Variants in HYCC2 observed in about 807,000 individuals in gnomAD.
The protein encoded by HYCC2 is hyccin 2.
the HYCC2 span, among the ~76,000 whole-genome samples, chr2:200,984,484 G>A: frequency 6.6e-6 from 1 of 152,198 alleles, no homozygotes; most frequent in African/African-American, 2.4e-5. Context: ...ATTATTTAAA[G>A]CCATCATAGC....
chr2:200,984,008 G>A, the HYCC2 span, among the ~76,000 whole-genome samples: 1 of 152,008 alleles, frequency 6.6e-6, no homozygotes, highest in African/African-American at 2.4e-5. Context: ...ATTATCTTCA[G>A]TTTAGTAATA....
chr2:201,007,094 T>C, the HYCC2 span, among the ~76,000 whole-genome samples: 1 of 152,194 alleles, frequency 6.6e-6, no homozygotes. Flanking sequence ...AATGATAGTA[T>C]CTGTCATATA....
chr2:201,063,540 T>G, the HYCC2 span: 37 of 1,588,818 alleles, frequency 2.3e-5, no homozygotes, highest in Non-Finnish European at 3.1e-5. Flanking sequence ...TTTGCCTTTG[T>G]AACCTTTGAT....
At chr2:201,023,455 A>T in the HYCC2 span, among the ~76,000 whole-genome samples, 2 of 152,230 alleles carry the variant, frequency 1.3e-5, no homozygotes, top group African/African-American at 4.8e-5. Flanking sequence ...ATTAGAAATC[A>T]CACATTATAC....
chr2:201,061,783 G>GT, the HYCC2 span, among the ~76,000 whole-genome samples: 1 of 152,002 alleles, frequency 6.6e-6, no homozygotes, highest in Non-Finnish European at 1.5e-5. Context: ...TGATCTCTCT[G>GT]TGGCCTACCC....
chr2:200,981,484 A>G, the HYCC2 span: 1 of 1,614,182 alleles, frequency 6.2e-7, no homozygotes. This position sits in a 1 kb window ranked among gnomAD's most constrained non-coding sequence, Gnocchi z 4.5. Flanking sequence ...ACTGCCATTT[A>G]CATAGTCAAA....
At chr2:200,997,854 G>A in the HYCC2 span, among the ~76,000 whole-genome samples, 49 of 152,140 alleles carry the variant, frequency 3.2e-4, no homozygotes, top group Non-Finnish European at 1.5e-4. Flanking sequence ...TGGCTAACAC[G>A]GTGAAACCCC....
the HYCC2 span, among the ~76,000 whole-genome samples, chr2:200,999,286 A>T: frequency 2.7e-4 from 41 of 152,254 alleles, no homozygotes; most frequent in Middle Eastern, 0.01. Flanking sequence ...TTTAAAAAAA[A>T]TTTTTTAAAT....
At chr2:200,991,296 T>G in the HYCC2 span, among the ~76,000 whole-genome samples, 1 of 151,966 alleles carries the variant, frequency 6.6e-6, no homozygotes, top group African/African-American at 2.4e-5. Flanking sequence ...ATAGTGAAAC[T>G]CCATCTCTAC....
chr2:201,038,590 G>A, the HYCC2 span, among the ~76,000 whole-genome samples: 4 of 152,172 alleles, frequency 2.6e-5, no homozygotes, highest in African/African-American at 7.2e-5. Flanking sequence ...CATGTCCTTT[G>A]TAGGGACATG....
At chr2:201,011,885 G>A in the HYCC2 span, among the ~76,000 whole-genome samples, 2 of 152,100 alleles carry the variant, frequency 1.3e-5, no homozygotes, top group Non-Finnish European at 2.9e-5. Flanking sequence ...CCACACTTAC[G>A]AAAACAAGAA....
At chr2:201,028,596 G>A in the HYCC2 span, among the ~76,000 whole-genome samples, 2 of 152,054 alleles carry the variant, frequency 1.3e-5, no homozygotes, top group Non-Finnish European at 2.9e-5. Flanking sequence ...AAACAGCATG[G>A]TACTGGTACC....
chr2:201,023,303 C>G, the HYCC2 span, among the ~76,000 whole-genome samples: 6 of 151,532 alleles, frequency 4.0e-5, no homozygotes, highest in Admixed American at 1.3e-4. Flanking sequence ...GAGCCGAGAT[C>G]GTGCCACTGC....
At chr2:200,992,131 TA>T in the HYCC2 span, 1 of 571,590 alleles carries the variant, frequency 1.7e-6, no homozygotes, top group East Asian at 3.0e-5. Context: ...GGAAAGGACC[TA>T]AACCTATTTT....
the HYCC2 span, among the ~76,000 whole-genome samples, chr2:201,047,807 C>A: frequency 1.5e-5 from 2 of 129,984 alleles, no homozygotes; most frequent in East Asian, 5.7e-4. Flanking sequence ...TGTTAAAGGG[C>A]CAAAGAGAAA....
chr2:201,029,431 A>G, the HYCC2 span, among the ~76,000 whole-genome samples: 1 of 152,222 alleles, frequency 6.6e-6, no homozygotes, highest in African/African-American at 2.4e-5. Context: ...ATTACTGGGT[A>G]TATACCCAAA....
the HYCC2 span, chr2:200,980,540 A>G: frequency 2.0e-5 from 3 of 152,660 alleles, no homozygotes; most frequent in African/African-American, 7.2e-5. Flanking sequence ...AGACACGTTA[A>G]TAATGACTAT....
At chr2:200,984,058 G>A in the HYCC2 span, among the ~76,000 whole-genome samples, 3 of 148,000 alleles carry the variant, frequency 2.0e-5, no homozygotes, top group Admixed American at 2.0e-4. Flanking sequence ...ATTTTTTTTT[G>A]AGACAAGGTC....
the HYCC2 span, among the ~76,000 whole-genome samples, chr2:201,014,890 A>G: frequency 5.6e-4 from 85 of 152,324 alleles, 1 homozygote; most frequent in South Asian, 0.017. Flanking sequence ...ACATCATGAG[A>G]AAAAAATAGA....
Sources: allele counts gnomAD v4.1 joint callset (sites outside exome capture counted in the v4.1 genomes callset), GRCh38; gene constraint gnomAD v4.1.1; non-coding constraint Gnocchi (gnomAD v3.1); transcripts MANE v1.5; gene names NCBI Gene and HGNC (gene_info 2026-07-23, HGNC 2026-07-21).